RCAN1: variants seen among roughly 807,000 people sequenced by gnomAD.
RCAN1 encodes the protein regulator of calcineurin 1, also known as calcipressin-1.
In RCAN1, 11 loss-of-function variants were observed where a neutral mutation model predicts 22.9. The observed-to-expected ratio is 0.48, with a 90% CI of 0.30 to 0.79. The LOEUF (loss-of-function observed/expected upper bound fraction) is 0.79, where lower values mean the gene tolerates loss of function less well. Ranked by LOEUF, RCAN1 falls within the 30% of genes least tolerant of loss-of-function variation. The probability of loss-of-function intolerance (pLI) is 0.06; values close to 1 mark genes in which losing one functional copy is unlikely to be tolerated. For missense variants in RCAN1, 291 were observed against 337.8 expected (o/e 0.86, Z 1.09); for synonymous variants, 136 against 142.3 (o/e 0.96, Z 0.32).
intron 1 of RCAN1, among the ~76,000 whole-genome samples, chr21:34,574,735 T>C (rs1987352960): frequency 6.6e-6 from 1 of 152,220 alleles, no homozygotes; most frequent in African/African-American, 2.4e-5. Context: ...TCAGCAGTTG[T>C]TTGAGTGTAA....
At position 34,614,086 on chromosome 21, in the gene RCAN1, G is replaced by T. The variant is rs867566940; in HGVS notation, c.252+674C>A. Among the ~76,000 whole-genome samples the T allele has an allele frequency of 1.3e-5, 2 of 152,182 alleles. No individual in the cohort carries two copies. Among genetic ancestry groups the T allele is most frequent in the African/African-American group, 2.4e-5 (1 of 41,442 alleles). On this transcript the variant is annotated intron_variant, in intron 1 of 3. Transcript: ENST00000313806. This position sits in a 1 kb window ranked among gnomAD's most constrained non-coding sequence, Gnocchi z 6.0. ...TAAATTGTGTGGATTTTGCGGGGGT[G>T]GGGGGAGGCGGGGGAAGGAGTCGAC...
At chr21:34,593,638 G>T (rs1031179183) in intron 1 of RCAN1, among the ~76,000 whole-genome samples, 54 of 152,228 alleles carry the variant, frequency 3.5e-4, no homozygotes, top group African/African-American at 1.3e-3. Flanking sequence ...GATAGCAGAC[G>T]TGCCAGCCTG....
intron 1 of RCAN1, among the ~76,000 whole-genome samples, chr21:34,528,942 C>T (rs550549086): frequency 1.4e-5 from 2 of 143,222 alleles, no homozygotes; most frequent in African/African-American, 2.6e-5. Context: ...ATTTTGATTT[C>T]GTTATATGGA....
intron 1 of RCAN1, among the ~76,000 whole-genome samples, chr21:34,568,879 G>A (rs1568914656): frequency 6.6e-6 from 1 of 152,154 alleles, no homozygotes. Flanking sequence ...AGTTTAATTG[G>A]ACTTACAGTT....
intron 1 of RCAN1, among the ~76,000 whole-genome samples, chr21:34,595,091 C>T (rs1416537722): frequency 6.6e-6 from 1 of 152,222 alleles, no homozygotes; most frequent in Non-Finnish European, 1.5e-5. Context: ...GAAATGCATT[C>T]ACACTTCTAG....
At chr21:34,552,627 T>C (rs1437015062) in intron 1 of RCAN1, among the ~76,000 whole-genome samples, 3 of 152,000 alleles carry the variant, frequency 2.0e-5, no homozygotes, top group Non-Finnish European at 4.4e-5. Context: ...GCCACTCACA[T>C]GCAGACTCCA....
chr21:34,613,358 C>G (rs2123741853), intron 1 of RCAN1, among the ~76,000 whole-genome samples: 1 of 152,320 alleles, frequency 6.6e-6, no homozygotes, highest in Admixed American at 6.5e-5. Context: ...GGCAGAAATG[C>G]TATTTTATTT....
chr21:34,573,722 T>TGAA (rs1987314037), intron 1 of RCAN1, among the ~76,000 whole-genome samples: 2 of 152,324 alleles, frequency 1.3e-5, no homozygotes, highest in Non-Finnish European at 2.9e-5. Context: ...CTTTCTCTGG[T>TGAA]ATGTCAATAA....
chr21:34,581,068 T>C (rs1423129451), intron 1 of RCAN1, among the ~76,000 whole-genome samples: 1 of 152,120 alleles, frequency 6.6e-6, no homozygotes, highest in Non-Finnish European at 1.5e-5. Context: ...CTTGTGGAGA[T>C]GGACCCACCG....
chr21:34,577,675 A>G (rs1009087092), intron 1 of RCAN1, among the ~76,000 whole-genome samples: 8 of 152,212 alleles, frequency 5.3e-5, no homozygotes, highest in Admixed American at 2.6e-4. Flanking sequence ...GAGAGGAATC[A>G]GAATACCAGG....
intron 1 of RCAN1, among the ~76,000 whole-genome samples, chr21:34,600,014 C>A (rs1039783454): frequency 1.3e-5 from 2 of 152,096 alleles, no homozygotes; most frequent in African/African-American, 2.4e-5. Context: ...ATAAGTTACC[C>A]TGAACCTAAA....
intron 3 of RCAN1, chr21:34,521,022 A>G: frequency 9.0e-7 from 1 of 1,106,250 alleles, no homozygotes; most frequent in Non-Finnish European, 1.1e-6. Flanking sequence ...TTCCCTCACC[A>G]TGGCCTATGG....
intron 1 of RCAN1, among the ~76,000 whole-genome samples, chr21:34,579,649 T>C (rs1315179713): frequency 6.6e-6 from 1 of 152,184 alleles, no homozygotes; most frequent in African/African-American, 2.4e-5. Context: ...CCTAGTACAG[T>C]TGCATCACTC....
rs1310269138 is a variant in RCAN1, at chr21:34,521,667, A to G, written c.427-9T>C. 3.7e-6 allele frequency: 6 copies of G among 1,601,836 alleles called. No homozygotes were observed. The highest frequency in any genetic ancestry group is 4.3e-6 in the Non-Finnish European group (5 of 1,174,040). Reference sequence around the variant, plus strand: ...CTTCCTATGTGTAAGGTCTGAGGAGAGAAAATAAGCACAGGTCAGTTGTTG... The same window carrying G: ...CTTCCTATGTGTAAGGTCTGAGGAGGGAAAATAAGCACAGGTCAGTTGTTG... On this transcript the variant is annotated splice_polypyrimidine_tract_variant and intron_variant, in intron 2 of 3. Transcript: ENST00000313806.
chr21:34,537,774 T>G (rs76073952), intron 1 of RCAN1, among the ~76,000 whole-genome samples: 1 of 152,196 alleles, frequency 6.6e-6, no homozygotes, highest in Non-Finnish European at 1.5e-5. Context: ...TGCCTAACAA[T>G]TTACACCGAA....
At position 34,603,379 on chromosome 21, in the gene RCAN1, G is replaced by A. The variant is rs553771941; in HGVS notation, c.252+11381C>T. Among the ~76,000 whole-genome samples, 370 of 79,814 alleles carry A rather than the reference G, an allele frequency of 4.6e-3. 2 individuals are homozygous for A. Among genetic ancestry groups the A allele is most frequent in the African/African-American group, 0.012 (358 of 28,718 alleles). 52.4% of individuals were successfully genotyped at this position (79,814 alleles called of 152,430 possible). A position where few individuals can be genotyped will look rare whatever the true frequency, so the allele number is the denominator to read the frequency against. On this transcript the variant is annotated intron_variant, in intron 1 of 3. Coordinates refer to ENST00000313806, the MANE Select transcript of RCAN1 (RefSeq NM_004414.7). ...CGGGTTCCAGCTGGCTTGGACTCCCGAAGTCCCCCGGTTTGTATGCTCCGG... is the reference window on the plus strand; with the variant it reads ...CGGGTTCCAGCTGGCTTGGACTCCCAAAGTCCCCCGGTTTGTATGCTCCGG...
intron 1 of RCAN1, among the ~76,000 whole-genome samples, chr21:34,589,265 T>C (rs1398612721): frequency 1.3e-5 from 2 of 152,184 alleles, no homozygotes; most frequent in Non-Finnish European, 2.9e-5. Flanking sequence ...GAAGAACATA[T>C]TTAATTGTAG....
Position 34,523,520 on chromosome 21 carries a change from C to G in RCAN1, c.426+17G>C. ...AGGGAGGAGGGAGAAGCATGCATAG[C>G]AATGAACCCAACTCACCTGAGCAAA... On this transcript the variant is annotated intron_variant, in intron 2 of 3. Transcript: ENST00000313806. 6.2e-7 allele frequency: 1 copy of G among 1,612,638 alleles called. No individual in the cohort carries two copies. Among genetic ancestry groups the G allele is most frequent in the Non-Finnish European group, 8.5e-7 (1 of 1,179,146 alleles).
intron 1 of RCAN1, among the ~76,000 whole-genome samples, chr21:34,613,336 G>A (rs903932366): frequency 1.3e-5 from 2 of 152,130 alleles, no homozygotes; most frequent in African/African-American, 4.8e-5. Flanking sequence ...TCCAAAAAAT[G>A]TCAACCCTGG....
Sources: allele counts gnomAD v4.1 joint callset (sites outside exome capture counted in the v4.1 genomes callset), GRCh38; gene constraint gnomAD v4.1.1; non-coding constraint Gnocchi (gnomAD v3.1); transcripts MANE v1.5; gene names NCBI Gene and HGNC (gene_info 2026-07-23, HGNC 2026-07-21).